The following ATG5 variants were observed in gnomAD, a reference collection of about 807,000 sequenced individuals.
The protein encoded by ATG5 is autophagy protein 5.
Under a neutral mutation model 36.5 loss-of-function variants are expected in ATG5, and 14 were observed. The observed-to-expected ratio is 0.38, with a 90% CI of 0.25 to 0.60. The LOEUF (loss-of-function observed/expected upper bound fraction) is 0.60. Ranked by LOEUF, ATG5 falls within the 20% of genes least tolerant of loss-of-function variation. The probability of loss-of-function intolerance (pLI) is 0.60; values close to 1 mark genes in which losing one functional copy is unlikely to be tolerated. For missense variants in ATG5, 195 were observed against 326.7 expected, an observed-to-expected ratio of 0.60 and a Z score of 3.11; for synonymous variants, 95 against 101.5, an observed-to-expected ratio of 0.94 and a Z score of 0.38.
chr6:106,246,725 T>G (rs117077419), intron 6 of ATG5, among the ~76,000 whole-genome samples: 35 of 152,214 alleles, frequency 2.3e-4, no homozygotes, highest in Admixed American at 2.3e-3. Context: ...CCGGACTCTT[T>G]GTGAAATGTC....
intron 1 of ATG5, among the ~76,000 whole-genome samples, chr6:106,316,756 T>C (rs924037194): frequency 8.5e-5 from 13 of 152,214 alleles, no homozygotes; most frequent in Admixed American, 2.6e-4. Context: ...CTCTTTCACA[T>C]TGGGGAAAAA....
chr6:106,266,904 G>A (rs965398196), intron 5 of ATG5, among the ~76,000 whole-genome samples: 1 of 152,164 alleles, frequency 6.6e-6, no homozygotes, highest in African/African-American at 2.4e-5. Flanking sequence ...CATACGGAAT[G>A]GGCAAAAGCT....
At chr6:106,285,503 G>A (rs1049525945) in intron 4 of ATG5, among the ~76,000 whole-genome samples, 7 of 152,080 alleles carry the variant, frequency 4.6e-5, no homozygotes, top group African/African-American at 1.7e-4. Context: ...GTTCTGGCTG[G>A]CAGTTAACTT....
intron 6 of ATG5, among the ~76,000 whole-genome samples, chr6:106,221,156 A>T (rs1777232556): frequency 6.6e-6 from 1 of 152,230 alleles, no homozygotes; most frequent in Non-Finnish European, 1.5e-5. Flanking sequence ...GGCGTATATT[A>T]TCAGAGTTGA....
At chr6:106,304,252 C>T (rs998949986) in intron 3 of ATG5, 1 of 151,996 alleles carries the variant, frequency 6.6e-6, no homozygotes, top group African/African-American at 2.4e-5. Context: ...CGATGACACC[C>T]AAATTTGTGA....
chr6:106,232,049 C>A (rs975962305), intron 6 of ATG5, among the ~76,000 whole-genome samples: 7 of 152,202 alleles, frequency 4.6e-5, no homozygotes, highest in African/African-American at 1.7e-4. Flanking sequence ...AGGCCCACTG[C>A]CCCAGGGGAC....
At chr6:106,238,926 A>AG (rs766782982) in intron 6 of ATG5, among the ~76,000 whole-genome samples, 61 of 152,224 alleles carry the variant, frequency 4.0e-4, no homozygotes, top group East Asian at 7.7e-4. Flanking sequence ...AAAAAAGTGG[A>AG]GGGGGGGAAC....
chr6:106,284,352 T>C (rs1779995601), intron 4 of ATG5, among the ~76,000 whole-genome samples: 1 of 152,026 alleles, frequency 6.6e-6, no homozygotes, highest in Non-Finnish European at 1.5e-5. Flanking sequence ...TACTGTTTTC[T>C]GTATTTTGTT....
chr6:106,187,428 C>T (rs990136777), intron 7 of ATG5, among the ~76,000 whole-genome samples: 2 of 151,744 alleles, frequency 1.3e-5, no homozygotes, highest in East Asian at 1.9e-4. Flanking sequence ...GTACTGACAA[C>T]TTTTAAAGTA....
chr6:106,312,623 T>TACACACACACACACACACAC (rs144983689), intron 2 of ATG5, among the ~76,000 whole-genome samples: 2 of 144,402 alleles, frequency 1.4e-5, no homozygotes, highest in South Asian at 2.3e-4. Flanking sequence ...CAAAAAAGAC[T>TACACACACACACACACACAC]ACACACACAC....
intron 6 of ATG5, among the ~76,000 whole-genome samples, chr6:106,214,766 T>A (rs1776978002): frequency 6.6e-6 from 1 of 152,206 alleles, no homozygotes; most frequent in Admixed American, 6.5e-5. Flanking sequence ...GAAGTAATAC[T>A]TCCCTTTCTT....
chr6:106,191,842 CGTTAT>C (rs1775976832), intron 7 of ATG5, among the ~76,000 whole-genome samples: 1 of 151,992 alleles, frequency 6.6e-6, no homozygotes, highest in African/African-American at 2.4e-5. Flanking sequence ...TTCCTACACA[CGTTAT>C]AAGAATAAGT....
At chr6:106,189,190 G>A (rs1464473773) in intron 7 of ATG5, among the ~76,000 whole-genome samples, 1 of 152,096 alleles carries the variant, frequency 6.6e-6, no homozygotes, top group East Asian at 1.9e-4. Context: ...GACTGTTTTG[G>A]TTATTAAAAC....
At chr6:106,226,348 G>A (rs947171035) in intron 6 of ATG5, among the ~76,000 whole-genome samples, 1 of 152,134 alleles carries the variant, frequency 6.6e-6, no homozygotes, top group Non-Finnish European at 1.5e-5. Context: ...GGTTTCCAGA[G>A]TTATTCTGTT....
intron 7 of ATG5, among the ~76,000 whole-genome samples, chr6:106,187,648 C>G (rs1272326515): frequency 6.6e-6 from 1 of 152,132 alleles, no homozygotes; most frequent in African/African-American, 2.4e-5. Context: ...GGGAATCAAG[C>G]AACTCTATAA....
chr6:106,215,325 A>C (rs1365655291), intron 6 of ATG5, among the ~76,000 whole-genome samples: 1 of 152,230 alleles, frequency 6.6e-6, no homozygotes, highest in Non-Finnish European at 1.5e-5. Flanking sequence ...GCTAGGAGCT[A>C]GTGGAGCTCT....
At chr6:106,196,379 A>T (rs1277546538) in intron 7 of ATG5, among the ~76,000 whole-genome samples, 2 of 152,220 alleles carry the variant, frequency 1.3e-5, no homozygotes, top group African/African-American at 4.8e-5. Flanking sequence ...GAAAAACCAA[A>T]AGACCACCAG....
intron 6 of ATG5, among the ~76,000 whole-genome samples, chr6:106,211,696 T>A (rs1238297169): frequency 6.6e-6 from 1 of 152,110 alleles, no homozygotes; most frequent in East Asian, 1.9e-4. Context: ...GGCAACAGAG[T>A]GAGACTGCTC....
intron 6 of ATG5, among the ~76,000 whole-genome samples, chr6:106,240,907 C>A (rs1015210619): frequency 6.6e-6 from 1 of 152,220 alleles, no homozygotes; most frequent in Non-Finnish European, 1.5e-5. Context: ...AATCCCAGCA[C>A]TTTGGGAGGC....
Sources: gnomAD v4.1 joint callset for allele counts (sites outside exome capture counted in the v4.1 genomes callset) on GRCh38, gnomAD v4.1.1 for gene constraint, MANE v1.5 for transcripts, NCBI Gene and HGNC (gene_info 2026-07-23, HGNC 2026-07-21) for gene names.